FBXO34: variants seen among roughly 807,000 people sequenced by gnomAD.
FBXO34 encodes F-box protein 34.
FBXO34 carries 12 observed loss-of-function variants against 24.5 expected under a neutral mutation model. The ratio of observed to expected loss-of-function variants is 0.49; its 90% CI spans 0.31 to 0.79. FBXO34 has a LOEUF of 0.79. Ranked by LOEUF, FBXO34 falls within the 30% of genes least tolerant of loss-of-function variation. The pLI, the probability that FBXO34 is intolerant of heterozygous loss-of-function variation, is 0.04. For missense variants in FBXO34, 823 were observed against 857.7 expected, an observed-to-expected ratio of 0.96 and a Z score of 0.51; for synonymous variants, 320 against 311.9, an observed-to-expected ratio of 1.03 and a Z score of -0.27.
intron 1 of FBXO34, chr14:55,298,620 C>A: frequency 8.2e-7 from 1 of 1,220,752 alleles, no homozygotes; most frequent in Non-Finnish European, 1.2e-6. Flanking sequence ...CCGGAGCGGG[C>A]GTTGAAGGCT....
chr14:55,433,812 C>A, the FBXO34 span: 2 of 1,143,560 alleles, frequency 1.7e-6, no homozygotes, highest in South Asian at 1.6e-5. Flanking sequence ...AAATCTCAAA[C>A]AGATTGGATG....
intron 1 of FBXO34, chr14:55,285,176 C>G (rs1020704704): frequency 6.7e-6 from 1 of 149,752 alleles, no homozygotes; most frequent in East Asian, 1.9e-4. Flanking sequence ...GAGTTTGAGA[C>G]CAGCCTGACC....
chr14:55,305,254 TAAAA>T (rs1228714283), intron 1 of FBXO34, among the ~76,000 whole-genome samples: 1 of 151,324 alleles, frequency 6.6e-6, no homozygotes, highest in East Asian at 1.9e-4. Context: ...TCTACTAAAA[TAAAA>T]AAAGTTAGCT....
At chr14:55,286,252 T>C (rs990955345) in intron 1 of FBXO34, among the ~76,000 whole-genome samples, 1 of 152,234 alleles carries the variant, frequency 6.6e-6, no homozygotes, top group Non-Finnish European at 1.5e-5. Flanking sequence ...TTCTTGAAGA[T>C]TCGACGTGAA....
intron 1 of FBXO34, among the ~76,000 whole-genome samples, chr14:55,317,341 G>A (rs1033001004): frequency 1.3e-5 from 2 of 152,112 alleles, no homozygotes; most frequent in African/African-American, 2.4e-5. Flanking sequence ...TTAGCCAGGC[G>A]AGGTCGTGCA....
chr14:55,296,565 T>G (rs1012704093), intron 1 of FBXO34, among the ~76,000 whole-genome samples: 14 of 151,764 alleles, frequency 9.2e-5, no homozygotes, highest in African/African-American at 3.4e-4. Context: ...CGGCTAATTT[T>G]TTTTGTATTT....
chr14:55,364,727 CTTTTTTTTT>C (rs534426436), downstream of FBXO34, among the ~76,000 whole-genome samples: 2 of 130,038 alleles, frequency 1.5e-5, no homozygotes, highest in South Asian at 2.5e-4. Context: ...CAGTGCCCAA[CTTTTTTTTT>C]TTTTTTTTTT....
At chr14:55,278,364 A>G (rs1231024209) in intron 1 of FBXO34, among the ~76,000 whole-genome samples, 1 of 152,150 alleles carries the variant, frequency 6.6e-6, no homozygotes, top group East Asian at 1.9e-4. Flanking sequence ...TGAGGTAGAA[A>G]CTATTGAAAA....
At chr14:55,349,750 G>A (rs931889950) in intron 1 of FBXO34, among the ~76,000 whole-genome samples, 1 of 151,798 alleles carries the variant, frequency 6.6e-6, no homozygotes, top group Non-Finnish European at 1.5e-5. Flanking sequence ...GGGATTACAG[G>A]CACGCCCCAC....
intron 1 of FBXO34, among the ~76,000 whole-genome samples, chr14:55,301,093 A>G (rs1020470388): frequency 1.3e-5 from 2 of 152,196 alleles, no homozygotes; most frequent in African/African-American, 4.8e-5. Flanking sequence ...ACAGTGGACT[A>G]CTTTTCATAG....
intron 1 of FBXO34, among the ~76,000 whole-genome samples, chr14:55,308,960 G>A (rs1049074398): frequency 1.3e-5 from 2 of 152,188 alleles, no homozygotes; most frequent in African/African-American, 4.8e-5. Context: ...TTATTACAGT[G>A]TAGTTCTTGC....
downstream of FBXO34, chr14:55,369,625 GT>G: frequency 6.6e-7 from 1 of 1,515,744 alleles, no homozygotes; most frequent in Non-Finnish European, 8.8e-7. Context: ...CTCGTTAACG[GT>G]GTCCAGTGTA....
At chr14:55,370,298 TAACAAA>T (rs1245394984), downstream of FBXO34, among the ~76,000 whole-genome samples, 2 of 152,146 alleles carry the variant, frequency 1.3e-5, no homozygotes, top group African/African-American at 2.4e-5. Flanking sequence ...GAGACAATTC[TAACAAA>T]AAGCCACTTG....
At chr14:55,294,239 T>C (rs1882046188) in intron 1 of FBXO34, among the ~76,000 whole-genome samples, 1 of 152,198 alleles carries the variant, frequency 6.6e-6, no homozygotes, top group African/African-American at 2.4e-5. Flanking sequence ...GTTAGTTCCT[T>C]GAGGGCTTTG....
intron 1 of FBXO34, among the ~76,000 whole-genome samples, chr14:55,339,772 C>T (rs928381615): frequency 6.6e-6 from 1 of 152,162 alleles, no homozygotes; most frequent in African/African-American, 2.4e-5. Flanking sequence ...TTTCTGTTGA[C>T]CATAAATCTC....
intron 1 of FBXO34, among the ~76,000 whole-genome samples, chr14:55,291,807 GA>G (rs1881953402): frequency 6.6e-6 from 1 of 151,218 alleles, no homozygotes; most frequent in Non-Finnish European, 1.5e-5. Context: ...CCTGTCTTTA[GA>G]AAAAAAATAG....
chr14:55,335,213 G>C lies in FBXO34; in HGVS notation c.-10-15168G>C, dbSNP rs75261278. On this transcript the variant is annotated intron_variant, in intron 1 of 1. Transcript: ENST00000313833. ...TGTAGGGGACTAGAATGCAGTTGTA[G>C]TTTGTGGTGTTTACTTTTTATGGAA... 162 of 152,308 alleles carry C rather than the reference G, an allele frequency of 1.1e-3. 1 individual carries two copies. Among genetic ancestry groups the C allele is most frequent in the African/African-American group, 3.8e-3 (156 of 41,562 alleles). The allele number at this position is 152,308 out of a possible 1,614,324, so 9.4% of individuals were successfully genotyped here.
At chr14:55,404,013 A>G in the FBXO34 span, among the ~76,000 whole-genome samples, 6 of 152,344 alleles carry the variant, frequency 3.9e-5, no homozygotes, top group East Asian at 1.9e-4. Context: ...TGGGATGGAA[A>G]TGGTCACTGA....
chr14:55,411,697 G>A, the FBXO34 span: 8 of 1,613,016 alleles, frequency 5.0e-6, no homozygotes, highest in Non-Finnish European at 5.9e-6. Flanking sequence ...ACAGCGGGCA[G>A]CGCTCCACAG....
Sources: gnomAD v4.1 joint callset for allele counts (sites outside exome capture counted in the v4.1 genomes callset) on GRCh38, gnomAD v4.1.1 for gene constraint, MANE v1.5 for transcripts, NCBI Gene and HGNC (gene_info 2026-07-23, HGNC 2026-07-21) for gene names.